The following CPS1 variants were observed in gnomAD, a reference collection of about 807,000 sequenced individuals.
CPS1 encodes the protein carbamoyl-phosphate synthase 1.
CPS1 carries 109 observed loss-of-function variants against 174.6 expected under a neutral mutation model. The observed-to-expected ratio is 0.62, with a 90% confidence interval of 0.53 to 0.73. The LOEUF (loss-of-function observed/expected upper bound fraction) is 0.73. CPS1 is among the 30% of genes least tolerant of loss of function. The probability of loss-of-function intolerance (pLI) is 0.00; values close to 1 mark genes in which losing one functional copy is unlikely to be tolerated. For synonymous variants in CPS1, 637 were observed against 632.0 expected, an observed-to-expected ratio of 1.01 and a Z score of -0.12; for missense variants, 1,689 against 1,821.9, an observed-to-expected ratio of 0.93 and a Z score of 1.33.
chr2:210,556,109 G>T (rs1040266473), upstream of CPS1, among the ~76,000 whole-genome samples: 1 of 151,972 alleles, frequency 6.6e-6, no homozygotes, highest in African/African-American at 2.4e-5. Flanking sequence ...ACATAATATA[G>T]ATAGGTTTAT....
At chr2:210,487,820 A>G (rs1010363801) in intron 1 of CPS1, among the ~76,000 whole-genome samples, 3 of 152,164 alleles carry the variant, frequency 2.0e-5, no homozygotes, top group Non-Finnish European at 4.4e-5. Flanking sequence ...TGTACATATC[A>G]ATTCGTAAAA....
intron 25 of CPS1, among the ~76,000 whole-genome samples, chr2:210,643,800 C>T (rs1393860801): frequency 6.6e-6 from 1 of 151,878 alleles, no homozygotes; most frequent in Non-Finnish European, 1.5e-5. Flanking sequence ...TTTTTTAGAC[C>T]TCTCTCTGAC....
intron 31 of CPS1, 98 bp downstream of exon 31, chr2:210,658,786 G>C (rs1227106552): frequency 3.1e-5 from 26 of 827,428 alleles, no homozygotes; most frequent in Non-Finnish European, 5.3e-5. Flanking sequence ...ACCAGACAAA[G>C]AGCAACTGAG....
intron 23 of CPS1, 77 bp downstream of exon 23, chr2:210,639,292 T>TA (rs1307459455): frequency 1.7e-6 from 2 of 1,178,422 alleles, no homozygotes; most frequent in Non-Finnish European, 1.3e-6. Flanking sequence ...ATATATTTTT[T>TA]ACCTCTTTGG....
In CPS1 at chr2:210,594,559, A is replaced by G. The variant is rs374567427; in HGVS notation, c.1216A>G (p.Ile406Val). The part of the protein sequence containing the change: ...SLIKKGKATT[I>V]TSVLPKPALV... The stretch of plus-strand genomic sequence containing the variant: ...GATAAAGAAAGGAAAAGCTACCACC[A>G]TTACATCAGTCTTACCGAAGCCAGC... The change falls in exon 12 of 38, where the codon ATT becomes GTT. Residue 406 changes from isoleucine to valine, a missense_variant. Ile to Val is a conservative substitution (Grantham distance 29). Coordinates refer to ENST00000233072, the MANE Select transcript of CPS1 (RefSeq NM_001875.5). 10 of 1,611,280 alleles carry G rather than the reference A, an allele frequency of 6.2e-6. No individual in the cohort carries two copies. Among genetic ancestry groups the G allele is most frequent in the Non-Finnish European group, 8.5e-6 (10 of 1,178,358 alleles).
intron 25 of CPS1, among the ~76,000 whole-genome samples, chr2:210,643,072 G>T (rs753503520): frequency 3.7e-4 from 57 of 152,286 alleles, no homozygotes; most frequent in Non-Finnish European, 6.6e-4. Context: ...GTGGTTTAAT[G>T]ATAAACAGTT....
chr2:210,497,881 A>AATATATATATATAT (rs1695030831), intron 1 of CPS1, among the ~76,000 whole-genome samples: 1 of 54,452 alleles, frequency 1.8e-5, no homozygotes, highest in African/African-American at 6.0e-5. Flanking sequence ...TTGGTAGAAC[A>AATATATATATATAT]ATATATACAT....
At chr2:210,566,311 A>C (rs922549033) in intron 1 of CPS1, among the ~76,000 whole-genome samples, 1 of 152,172 alleles carries the variant, frequency 6.6e-6, no homozygotes, top group Non-Finnish European at 1.5e-5. Context: ...CTTATTCATC[A>C]CAGCATCTAG....
chr2:210,506,721 G>A (rs916403778), intron 1 of CPS1, among the ~76,000 whole-genome samples: 86 of 152,194 alleles, frequency 5.7e-4, no homozygotes, highest in Admixed American at 3.6e-3. Flanking sequence ...CGAGAACTAC[G>A]TGACGAATGC....
At chr2:210,522,150 C>T (rs541312760) in intron 1 of CPS1, among the ~76,000 whole-genome samples, 66 of 151,904 alleles carry the variant, frequency 4.3e-4, no homozygotes, top group Non-Finnish European at 8.4e-4. Flanking sequence ...TCTTCACATG[C>T]GAGTGTTGAA....
In CPS1 at chr2:210,511,973, A is replaced by C. The variant is rs191002357; in HGVS notation, c.3+34207A>C. Among the ~76,000 whole-genome samples the C allele has an allele frequency of 1.6e-3, 242 of 152,190 alleles. 1 individual carries two copies. Among genetic ancestry groups the C allele is most frequent in the Middle Eastern group, 0.014 (4 of 294 alleles). ...GAGTCATTGAACCCCAAATTGAGCC[A>C]AATTTCAGATTCACCAATTAATTGC... On this transcript the variant is annotated intron_variant, in intron 1 of 38. Coordinates refer to the CPS1 transcript ENST00000430249.
chr2:210,576,284 C>CA (rs1697709893), intron 2 of CPS1, 62 bp from the exon 3 acceptor site: 1 of 1,530,984 alleles, frequency 6.5e-7, no homozygotes, highest in South Asian at 1.1e-5. Context: ...AGCATGTATG[C>CA]AGATTATAGC....
At chr2:210,590,767 C>G in intron 8 of CPS1, 33 bp from the exon 9 acceptor site, 1 of 1,555,148 alleles carries the variant, frequency 6.4e-7, no homozygotes, top group Non-Finnish European at 8.9e-7. Flanking sequence ...TGGAACTGTA[C>G]TAATTGGTTA....
chr2:210,509,120 A>G (rs921250266), intron 1 of CPS1, among the ~76,000 whole-genome samples: 2 of 152,232 alleles, frequency 1.3e-5, no homozygotes, highest in Non-Finnish European at 2.9e-5. Context: ...ACATCAATGC[A>G]AAAATCCTCA....
intron 1 of CPS1, among the ~76,000 whole-genome samples, chr2:210,536,808 AAGAG>A (rs1232118458): frequency 6.6e-6 from 1 of 152,220 alleles, no homozygotes; most frequent in African/African-American, 2.4e-5. Flanking sequence ...AAATGAGAGT[AAGAG>A]AGAAAGAGCG....
intron 34 of CPS1, 130 bp downstream of exon 34, chr2:210,668,414 G>T (rs1044916163): frequency 9.4e-6 from 7 of 744,370 alleles, no homozygotes; most frequent in Middle Eastern, 2.4e-4. Context: ...CAACTTCCAG[G>T]AAGAAGGGAC....
rs139740322 is a variant in CPS1 at position 210,608,404 on chromosome 2, C to A, written c.2236C>A (p.Pro746Thr). ...TGCTGCAAAGATTGCCCTAGGAATC[C>A]CACTTCCAGAAATTAAGAACGTCGT... is the stretch of plus-strand genomic sequence containing the variant. ...FIAAKIALGI[P>T]LPEIKNVVSG... Residue 746 changes from proline to threonine, a missense_variant, in exon 19 of 38, where the codon CCA becomes ACA. Coordinates refer to ENST00000233072, the MANE Select transcript of CPS1 (RefSeq NM_001875.5). 2.3e-5 allele frequency: 37 copies of A among 1,612,314 alleles called. No individual in the cohort carries two copies. The African/African-American group carries it at 3.5e-4, about 15-fold the overall frequency.
chr2:210,540,040 G>C (rs185057439), intron 1 of CPS1, among the ~76,000 whole-genome samples: 2 of 152,172 alleles, frequency 1.3e-5, no homozygotes, highest in African/African-American at 4.8e-5. Context: ...CTGATGTGAC[G>C]TCTGTGTTTC....
At chr2:210,481,257 T>C (rs1957759449) in intron 1 of CPS1, among the ~76,000 whole-genome samples, 1 of 152,350 alleles carries the variant, frequency 6.6e-6, no homozygotes, top group African/African-American at 2.4e-5. Context: ...AGTGTTAGTA[T>C]GTGTCTTTAA....
Sources: gnomAD v4.1 joint callset for allele counts (sites outside exome capture counted in the v4.1 genomes callset) on GRCh38, gnomAD v4.1.1 for gene constraint, MANE v1.5 for transcripts, NCBI Gene and HGNC (gene_info 2026-07-23, HGNC 2026-07-21) for gene names.